The following SLC17A6 variants were observed in gnomAD, a reference collection of about 807,000 sequenced individuals.
SLC17A6 encodes the protein vesicular glutamate transporter 2.
Under a neutral mutation model 67.1 loss-of-function variants are expected in SLC17A6, and 35 were observed. The observed-to-expected ratio is 0.52, with a 90% confidence interval of 0.40 to 0.69. The LOEUF is 0.69. Among genes scored for constraint, SLC17A6 ranks in the 30% least tolerant of loss-of-function variants. SLC17A6 has a pLI of 0.00. For synonymous variants in SLC17A6, 285 were observed against 252.3 expected, an observed-to-expected ratio of 1.13 and a Z score of -1.23; for missense variants, 588 against 723.9, an observed-to-expected ratio of 0.81 and a Z score of 2.15.
chr11:22,375,789 T>C (rs998670337), intron 9 of SLC17A6, among the ~76,000 whole-genome samples, 193 bp from the exon 10 acceptor site: 24 of 152,306 alleles, frequency 1.6e-4, no homozygotes, highest in Middle Eastern at 6.8e-3. Context: ...CTGGATGTTT[T>C]TATTAAACAC....
At chr11:22,348,083 C>T (rs550001965) in intron 3 of SLC17A6, among the ~76,000 whole-genome samples, 6 of 152,210 alleles carry the variant, frequency 3.9e-5, no homozygotes, top group African/African-American at 1.2e-4. Flanking sequence ...TTTTACAGAG[C>T]AGGAAATAGA....
intron 2 of SLC17A6, 196 bp from the exon 3 acceptor site, chr11:22,343,051 T>C (rs919777017): frequency 6.2e-6 from 4 of 643,678 alleles, no homozygotes; most frequent in East Asian, 5.5e-5. Context: ...TTAATCACAA[T>C]ACATTTTGTT....
chr11:22,373,893 A>G (rs1190214534), intron 8 of SLC17A6, among the ~76,000 whole-genome samples: 1 of 152,198 alleles, frequency 6.6e-6, no homozygotes, highest in Non-Finnish European at 1.5e-5. Flanking sequence ...CAAACCTTCG[A>G]TAATCTAATT....
intron 10 of SLC17A6, 75 bp downstream of exon 10, chr11:22,376,167 C>CT (rs1856230678): frequency 6.9e-6 from 6 of 866,014 alleles, no homozygotes; most frequent in African/African-American, 1.7e-5. Context: ...ATACATATAC[C>CT]TTTTTATAGA....
chr11:22,360,953 G>A lies in SLC17A6; in HGVS notation c.630G>A (p.Glu210=), dbSNP rs571812128. Residue 210 remains glutamate, a synonymous_variant, in exon 5 of 12, where the codon GAG becomes GAA. Transcript: ENST00000263160. ...GIWSKWAPPL[E]RSRLATTSFC... ...GGAGCAAATGGGCCCCACCTCTAGA[G>A]AGGAGTAGACTGGCAACCACCTCCT... 1.5e-5 allele frequency: 24 copies of A among 1,613,986 alleles called. No homozygotes were observed. The South Asian group carries it at 2.5e-4, about 17-fold the overall frequency.
intron 3 of SLC17A6, among the ~76,000 whole-genome samples, chr11:22,354,098 T>TC (rs1226486022): frequency 6.6e-6 from 1 of 152,092 alleles, no homozygotes. Context: ...TTCTTTTTTT[T>TC]TTGAGACAGA....
intron 1 of SLC17A6, among the ~76,000 whole-genome samples, chr11:22,339,075 ATGT>A (rs200494216): frequency 0.058 from 5,664 of 97,886 alleles, 369 homozygotes; most frequent in Non-Finnish European, 0.091. Context: ...ATATATATAT[ATGT>A]TATATATATA....
At chr11:22,365,489 T>C (rs1590390724) in intron 6 of SLC17A6, 58 bp from the exon 7 acceptor site, 1 of 1,574,332 alleles carries the variant, frequency 6.4e-7, no homozygotes, top group Non-Finnish European at 8.7e-7. Context: ...TGCAGTTTTA[T>C]TGCAGCACAT....
chr11:22,351,877 A>G (rs77531197), intron 3 of SLC17A6, among the ~76,000 whole-genome samples: 7,125 of 152,264 alleles, frequency 0.047, 240 homozygotes, highest in Middle Eastern at 0.078. Flanking sequence ...GAGTAATCCT[A>G]GGGATAATAA....
At chr11:22,368,800 C>T (rs1856141602) in intron 7 of SLC17A6, among the ~76,000 whole-genome samples, 1 of 151,968 alleles carries the variant, frequency 6.6e-6, no homozygotes, top group Non-Finnish European at 1.5e-5. Flanking sequence ...AAAAACTGTA[C>T]TTTTGGAACC....
At chr11:22,339,805 T>C (rs116063151) in intron 1 of SLC17A6, among the ~76,000 whole-genome samples, 1,730 of 152,138 alleles carry the variant, frequency 0.011, 34 homozygotes, top group African/African-American at 0.04. Flanking sequence ...GGCCCTGCAG[T>C]CCCACAGCTA....
chr11:22,341,594 G>A lies in SLC17A6; in HGVS notation c.153G>A (p.Glu51=), dbSNP rs370349983. Residue 51 remains glutamate (E), a synonymous_variant, in exon 2 of 12, where the codon GAG becomes GAA. Coordinates refer to ENST00000263160, the MANE Select transcript of SLC17A6 (RefSeq NM_020346.3). ...TGACGGAGGATGGGAAGCCCCTAGA[G>A]GTGCCCGAGAGGAAGGCGCCGCTGT... ...IELTEDGKPL[E]VPERKAPLCD... The A allele has an allele frequency of 8.7e-6, 14 of 1,614,006 alleles. No individual in the cohort carries two copies. In the African/African-American group the frequency reaches 1.2e-4, roughly 14 times the overall value.
intron 3 of SLC17A6, 138 bp from the exon 4 acceptor site, chr11:22,359,275 A>G: frequency 1.1e-5 from 5 of 443,586 alleles, no homozygotes; most frequent in Non-Finnish European, 1.5e-5. Context: ...CAGAACATAT[A>G]TTAGAAAAAA....
rs1005128616 is a variant in SLC17A6 at position 22,379,397 on chromosome 11, G to A, written c.*1657G>A. 1 of 152,454 alleles carries A rather than the reference G, an allele frequency of 6.6e-6. No individual in the cohort carries two copies. The allele number at this position is 152,454 out of a possible 1,614,324, so 9.4% of individuals were successfully genotyped here. ...CCTTTGCTTTGTGCCTCAAAGTGAT[G>A]TAATGTGATCACAGCTTTTGTTGTG... On this transcript the variant is annotated 3_prime_UTR_variant, in exon 12 of 12. Transcript: ENST00000263160.
chr11:22,348,971 T>C (rs1214623128), intron 3 of SLC17A6, among the ~76,000 whole-genome samples: 1 of 152,186 alleles, frequency 6.6e-6, no homozygotes, highest in East Asian at 1.9e-4. Context: ...ACAGTAAAGA[T>C]GTGCTTTTAT....
chr11:22,352,371 A>G (rs1054071674), intron 3 of SLC17A6, among the ~76,000 whole-genome samples: 5 of 152,240 alleles, frequency 3.3e-5, no homozygotes, highest in African/African-American at 1.2e-4. Flanking sequence ...AGCTTCCTAG[A>G]ATTGATAGGA....
Position 22,369,697 on chromosome 11 carries a change from T to C in SLC17A6, c.892-342T>C, listed in dbSNP as rs139062576. Among the ~76,000 whole-genome samples, 24 of 151,904 alleles carry C rather than the reference T, an allele frequency of 1.6e-4. No individual in the cohort carries two copies. The East Asian group carries it at 3.7e-3, about 23-fold the overall frequency. ...GCAGTGAGTTTTTGCTGAGATATGG[T>C]CTATCACCATTAAAAAAATAAAACA... On this transcript the variant is annotated intron_variant, in intron 7 of 11. Coordinates refer to ENST00000263160, the MANE Select transcript of SLC17A6 (RefSeq NM_020346.3).
Position 22,370,192 on chromosome 11 carries a change from T to C in SLC17A6, c.1041+4T>C, listed in dbSNP as rs766677842. On this transcript the variant is annotated splice_donor_region_variant and intron_variant, in intron 8 of 11. Transcript: ENST00000263160. ...CTTTGGATTTGAAATTAGCAAGGTA[T>C]GTAAAATGTATTCTTATATAAATTG... The C allele has an allele frequency of 4.4e-6, 7 of 1,596,858 alleles. No homozygotes were observed. The South Asian group carries it at 6.9e-5, about 16-fold the overall frequency.
chr11:22,341,029 G>T (rs79185143), intron 1 of SLC17A6, among the ~76,000 whole-genome samples: 2 of 152,196 alleles, frequency 1.3e-5, no homozygotes, highest in South Asian at 2.1e-4. Context: ...GGTGGGAAAG[G>T]CTCTCTAGTT....
Sources: allele counts gnomAD v4.1 joint callset (sites outside exome capture counted in the v4.1 genomes callset), GRCh38; gene constraint gnomAD v4.1.1; transcripts MANE v1.5; gene names NCBI Gene and HGNC (gene_info 2026-07-23, HGNC 2026-07-21).